The following TMEM178B variants were observed in gnomAD, a reference collection of about 807,000 sequenced individuals.
The protein encoded by TMEM178B is transmembrane protein 178B.
In TMEM178B, 5 loss-of-function variants were observed where a neutral mutation model predicts 31.0. The ratio of observed to expected loss-of-function variants is 0.16; its 90% CI spans 0.08 to 0.34. The LOEUF (loss-of-function observed/expected upper bound fraction) is 0.34. Among genes scored for constraint, TMEM178B ranks in the 10% least tolerant of loss-of-function variants. The pLI is 1.00. For synonymous variants in TMEM178B, 164 were observed against 164.0 expected (o/e 1.00, Z 0.00); for missense variants, 275 against 400.3 (o/e 0.69, Z 2.67).
chr7:141,372,176 A>G (rs879402588), intron 2 of TMEM178B, among the ~76,000 whole-genome samples: 1 of 151,960 alleles, frequency 6.6e-6, no homozygotes, highest in South Asian at 2.1e-4. Context: ...CAAGTCACCA[A>G]TGACTTCCAC....
chr7:141,114,866 A>C (rs1795293408), intron 1 of TMEM178B, among the ~76,000 whole-genome samples: 1 of 152,226 alleles, frequency 6.6e-6, no homozygotes, highest in Non-Finnish European at 1.5e-5. Context: ...TTTGATTGGA[A>C]AATGGTGTGG....
intron 2 of TMEM178B, among the ~76,000 whole-genome samples, chr7:141,259,747 G>T (rs1797983647): frequency 6.6e-6 from 1 of 152,164 alleles, no homozygotes; most frequent in Non-Finnish European, 1.5e-5. Flanking sequence ...TAGCTTAGTG[G>T]TTAGCCAGCA....
At chr7:141,424,720 C>T (rs538262294) in intron 2 of TMEM178B, among the ~76,000 whole-genome samples, 25 of 152,282 alleles carry the variant, frequency 1.6e-4, no homozygotes, top group African/African-American at 5.5e-4. Flanking sequence ...GCTTTTCCCA[C>T]GTGGGTAGAC....
chr7:141,423,659 G>A (rs370210349), intron 2 of TMEM178B, among the ~76,000 whole-genome samples: 2 of 152,236 alleles, frequency 1.3e-5, no homozygotes, highest in South Asian at 4.1e-4. Context: ...CTCAGATGCT[G>A]GTCTTCTAGC....
At chr7:141,127,975 G>A (rs1311143919) in intron 1 of TMEM178B, among the ~76,000 whole-genome samples, 2 of 152,094 alleles carry the variant, frequency 1.3e-5, no homozygotes, top group Admixed American at 1.3e-4. Flanking sequence ...CGAACCACAG[G>A]GCATAAGAGG....
At chr7:141,278,498 G>A (rs548882565) in intron 2 of TMEM178B, among the ~76,000 whole-genome samples, 3 of 152,266 alleles carry the variant, frequency 2.0e-5, no homozygotes, top group Non-Finnish European at 2.9e-5. Flanking sequence ...CAGGAGAATT[G>A]CTTGAACTCG....
At chr7:141,238,022 TAAAAA>T (rs1207360561) in intron 2 of TMEM178B, among the ~76,000 whole-genome samples, 1 of 111,672 alleles carries the variant, frequency 9.0e-6, no homozygotes. Flanking sequence ...AGACTCTGTC[TAAAAA>T]AAAAAAAAAA....
intron 2 of TMEM178B, among the ~76,000 whole-genome samples, chr7:141,357,846 A>G (rs1340913943): frequency 6.6e-6 from 1 of 152,206 alleles, no homozygotes; most frequent in Non-Finnish European, 1.5e-5. Context: ...TCTATTTTGT[A>G]CATGTGAGAA....
In TMEM178B at chr7:141,417,611, A is replaced by AG. The variant is rs1413491185; in HGVS notation, c.497-19995dup. ...GAGGAGCTGGGAGTGACTTGGGAAG[A>AG]GGAAAGGTGCCTCTCACCTGTAAAC... On this transcript the variant is annotated intron_variant, in intron 2 of 3. Transcript: ENST00000565468. Among the ~76,000 whole-genome samples, 4 of 152,172 alleles carry AG rather than the reference A, an allele frequency of 2.6e-5. No homozygotes were observed. The East Asian group carries it at 7.7e-4, about 29-fold the overall frequency.
chr7:141,212,949 C>T (rs1002981792), intron 2 of TMEM178B, among the ~76,000 whole-genome samples: 2 of 152,214 alleles, frequency 1.3e-5, no homozygotes, highest in African/African-American at 4.8e-5. Context: ...AAACAACTAG[C>T]AATTAGACAG....
intron 2 of TMEM178B, among the ~76,000 whole-genome samples, chr7:141,324,471 T>A (rs553583057): frequency 1.7e-5 from 2 of 118,570 alleles, no homozygotes; most frequent in South Asian, 3.0e-4. Context: ...GATTGAAAAA[T>A]GCAGCTGCCA....
At chr7:141,092,325 G>C (rs571327652) in intron 1 of TMEM178B, among the ~76,000 whole-genome samples, 1 of 152,294 alleles carries the variant, frequency 6.6e-6, no homozygotes, top group South Asian at 2.1e-4. Flanking sequence ...ATAGATGGAA[G>C]TGGAGGGTAA....
the TMEM178B span, among the ~76,000 whole-genome samples, chr7:141,500,111 A>G: frequency 2.6e-5 from 4 of 152,202 alleles, no homozygotes; most frequent in African/African-American, 9.7e-5. Flanking sequence ...ATTGAGAATG[A>G]TAACGATAAC....
intron 1 of TMEM178B, among the ~76,000 whole-genome samples, chr7:141,170,390 C>G (rs1401818100): frequency 6.6e-6 from 1 of 152,116 alleles, no homozygotes; most frequent in Non-Finnish European, 1.5e-5. Flanking sequence ...TACCTTGTTT[C>G]TTTCACTGCG....
intron 2 of TMEM178B, among the ~76,000 whole-genome samples, chr7:141,294,944 C>A (rs1397759355): frequency 1.3e-5 from 2 of 152,168 alleles, no homozygotes; most frequent in Non-Finnish European, 2.9e-5. Context: ...GGGCCCTTTT[C>A]AATCTGATAT....
rs902538118 is a variant in TMEM178B at position 141,480,298 on chromosome 7, T to C, written c.*9512T>C. The C allele has an allele frequency of 5.3e-5, 8 of 152,206 alleles. No homozygotes were observed. The highest frequency in any genetic ancestry group is 1.9e-4 in the African/African-American group (8 of 41,450). The allele number at this position is 152,206 out of a possible 1,614,324, so 9.4% of individuals were successfully genotyped here. On this transcript the variant is annotated 3_prime_UTR_variant, in exon 4 of 4. Transcript: ENST00000565468. ...GGTAATTAATTAAATGACTTGTTCA[T>C]GGAAAAAATAAATAATCTGTCAGTT...
chr7:141,226,957 A>G (rs1281598180), intron 2 of TMEM178B, among the ~76,000 whole-genome samples: 1 of 151,960 alleles, frequency 6.6e-6, no homozygotes, highest in Non-Finnish European at 1.5e-5. Context: ...AGTGTTTACC[A>G]TTCCTGGATG....
chr7:141,179,703 G>A (rs1302423085), intron 1 of TMEM178B, among the ~76,000 whole-genome samples: 1 of 152,146 alleles, frequency 6.6e-6, no homozygotes, highest in African/African-American at 2.4e-5. Context: ...AGGTTGAGGG[G>A]AAAGCCTTTC....
chr7:141,394,824 A>G (rs781421208), intron 2 of TMEM178B, among the ~76,000 whole-genome samples: 6 of 152,022 alleles, frequency 3.9e-5, no homozygotes, highest in Non-Finnish European at 7.4e-5. Flanking sequence ...TTTTATATAT[A>G]TTTTTTCTCC....
Sources: gnomAD v4.1 joint callset for allele counts (sites outside exome capture counted in the v4.1 genomes callset) on GRCh38, gnomAD v4.1.1 for gene constraint, MANE v1.5 for transcripts, NCBI Gene and HGNC (gene_info 2026-07-23, HGNC 2026-07-21) for gene names.